The following LEMD3 variants were observed in gnomAD, a reference collection of about 807,000 sequenced individuals.
LEMD3 encodes inner nuclear membrane protein Man1.
A neutral mutation model predicts 95.2 loss-of-function variants in LEMD3; 33 were observed. The ratio of observed to expected loss-of-function variants is 0.35; its 90% confidence interval spans 0.26 to 0.46. The LOEUF is 0.46. LEMD3 is among the 20% of genes least tolerant of loss of function. The pLI is 1.00. For missense variants in LEMD3, 1,210 were observed against 1,192.8 expected, an observed-to-expected ratio of 1.01 and a Z score of -0.21; for synonymous variants, 525 against 474.6, an observed-to-expected ratio of 1.11 and a Z score of -1.38.
At position 65,169,681 on chromosome 12, in the gene LEMD3, G is replaced by C. The variant is rs1479217015; in HGVS notation, c.85G>C (p.Gly29Arg). 6.3e-7 allele frequency: 1 copy of C among 1,586,108 alleles called. No homozygotes were observed. Among genetic ancestry groups the C allele is most frequent in the African/African-American group, 1.3e-5 (1 of 74,486 alleles). ...SQLRRYGLSPGPVTESTRPVY... is the reference protein window; with the variant it reads ...SQLRRYGLSPRPVTESTRPVY... ...GCTCCGCCGTTACGGCCTGTCTCCC[G>C]GACCAGTGACGGAGAGCACCCGCCC... Residue 29 changes from glycine to arginine, a missense_variant, in exon 1 of 13, where the codon GGA becomes CGA. Physicochemically the swap from Gly to Arg is moderately radical, Grantham distance 125. Coordinates refer to ENST00000308330, the MANE Select transcript of LEMD3 (RefSeq NM_014319.5).
intron 9 of LEMD3, among the ~76,000 whole-genome samples, chr12:65,241,705 A>G (rs555652293): frequency 1.3e-5 from 2 of 152,338 alleles, no homozygotes; most frequent in African/African-American, 4.8e-5. Flanking sequence ...ACAATGCATC[A>G]GAAAATTATG....
At position 65,170,806 on chromosome 12, in the gene LEMD3, A is replaced by G. The variant is rs1565776447; in HGVS notation, c.1210A>G (p.Arg404Gly). 1 of 1,614,202 alleles carries G rather than the reference A, an allele frequency of 6.2e-7. No homozygotes were observed. Residue 404 changes from arginine to glycine, a missense_variant, in exon 1 of 13, where the codon AGG (arginine) becomes GGG (glycine). Physicochemically the swap from Arg to Gly is moderately radical, Grantham distance 125. Coordinates refer to ENST00000308330, the MANE Select transcript of LEMD3 (RefSeq NM_014319.5). Reference sequence around the variant, plus strand: ...TGGGGCCTTCAGTGTGGACTCCCCCAGGATTTATTCTAACAGTCTCCCTCC... The same window carrying G: ...TGGGGCCTTCAGTGTGGACTCCCCCGGGATTTATTCTAACAGTCTCCCTCC... ...GGGAFSVDSP[R>G]IYSNSLPPSA...
chr12:65,198,850 C>T (rs1014694711), intron 1 of LEMD3, among the ~76,000 whole-genome samples: 12 of 152,132 alleles, frequency 7.9e-5, no homozygotes, highest in Middle Eastern at 3.4e-3. Flanking sequence ...TTTCCTCCCA[C>T]GTATCTTTGA....
At chr12:65,188,825 G>T (rs1335999658) in intron 1 of LEMD3, among the ~76,000 whole-genome samples, 2 of 152,058 alleles carry the variant, frequency 1.3e-5, no homozygotes, top group African/African-American at 2.4e-5. Context: ...TGCTCTAATT[G>T]CAGTGAGACC....
intron 8 of LEMD3, 109 bp from the exon 9 acceptor site, chr12:65,240,800 A>G: frequency 4.2e-6 from 4 of 959,724 alleles, no homozygotes; most frequent in East Asian, 2.5e-5. Flanking sequence ...AACAAACTCC[A>G]TGAGTAGTGG....
chr12:65,215,910 A>C, intron 2 of LEMD3, 67 bp from the exon 3 acceptor site: 1 of 488,922 alleles, frequency 2.0e-6, no homozygotes, highest in Non-Finnish European at 3.5e-6. Flanking sequence ...TTTTTTTTTG[A>C]TTAAGAATTA....
chr12:65,206,911 T>A (rs530653290), intron 1 of LEMD3, among the ~76,000 whole-genome samples: 1 of 152,142 alleles, frequency 6.6e-6, no homozygotes, highest in Non-Finnish European at 1.5e-5. Flanking sequence ...CAATATTTTA[T>A]TTTCTGTAGT....
chr12:65,209,716 A>G (rs1869879982), intron 1 of LEMD3, among the ~76,000 whole-genome samples: 1 of 152,122 alleles, frequency 6.6e-6, no homozygotes, highest in South Asian at 2.1e-4. Flanking sequence ...TTAAAAATCC[A>G]TTAGCAAAAT....
chr12:65,238,951 T>C (rs1870853918), intron 6 of LEMD3, 137 bp downstream of exon 6: 1 of 765,658 alleles, frequency 1.3e-6, no homozygotes, highest in Admixed American at 2.3e-5. Flanking sequence ...CTAAATATAA[T>C]AAAAATAATG....
chr12:65,210,747 A>G (rs1056774575), intron 1 of LEMD3, among the ~76,000 whole-genome samples, 179 bp from the exon 2 acceptor site: 7 of 152,146 alleles, frequency 4.6e-5, no homozygotes, highest in Non-Finnish European at 8.8e-5. Flanking sequence ...AGTGAGAATG[A>G]TAAGTATAAG....
chr12:65,242,790 G>A (rs910156911), intron 9 of LEMD3, among the ~76,000 whole-genome samples: 2 of 152,064 alleles, frequency 1.3e-5, no homozygotes, highest in Admixed American at 1.3e-4. Context: ...ACATAACAAT[G>A]TATTTTTAAA....
intron 1 of LEMD3, among the ~76,000 whole-genome samples, chr12:65,210,373 CAGT>C (rs1421666082): frequency 1.3e-5 from 2 of 151,974 alleles, no homozygotes; most frequent in Non-Finnish European, 2.9e-5. Flanking sequence ...AGATTTCTTT[CAGT>C]AGTTAACTGC....
chr12:65,204,606 T>C (rs1869706893), intron 1 of LEMD3, among the ~76,000 whole-genome samples: 1 of 152,202 alleles, frequency 6.6e-6, no homozygotes, highest in Non-Finnish European at 1.5e-5. Flanking sequence ...TGATTCCATG[T>C]CTTTGCTATT....
chr12:65,195,255 T>C (rs922166297), intron 1 of LEMD3, among the ~76,000 whole-genome samples: 6 of 152,116 alleles, frequency 3.9e-5, no homozygotes, highest in Admixed American at 1.3e-4. Flanking sequence ...AAATTGTCTT[T>C]GGCAATACCA....
chr12:65,170,701 C>T lies in LEMD3; in HGVS notation c.1105C>T (p.Pro369Ser), dbSNP rs371098833. Residue 369 changes from proline to serine, a missense_variant, in exon 1 of 13, where the codon CCC (proline) becomes TCC (serine). Pro to Ser is a moderately conservative substitution (Grantham distance 74, BLOSUM62 -1). This residue lies in a region of LEMD3 where 749 missense variants were observed against 622.9 expected (regional missense o/e 1.20). Coordinates refer to ENST00000308330, the MANE Select transcript of LEMD3 (RefSeq NM_014319.5). Reference protein sequence around the residue: ...VNAKKLTPLLPPPLTDMDSTL... With the variant: ...VNAKKLTPLLSPPLTDMDSTL... The stretch of plus-strand genomic sequence containing the variant: ...CGCTAAGAAACTGACCCCTCTCCTG[C>T]CCCCGCCACTTACTGACATGGACTC... 9 of 1,614,106 alleles carry T rather than the reference C, an allele frequency of 5.6e-6. No individual in the cohort carries two copies. The African/African-American group carries it at 1.1e-4, about 19-fold the overall frequency.
chr12:65,210,469 G>A (rs1869902833), intron 1 of LEMD3, among the ~76,000 whole-genome samples: 2 of 152,114 alleles, frequency 1.3e-5, no homozygotes, highest in Admixed American at 1.3e-4. Flanking sequence ...AATGGATAGT[G>A]TGTATTGAGT....
In LEMD3 at chr12:65,245,869, A is replaced by G; in HGVS notation, c.2502A>G (p.Val834=). 6.2e-7 allele frequency: 1 copy of G among 1,611,770 alleles called. No homozygotes were observed. Among genetic ancestry groups the G allele is most frequent in the Non-Finnish European group, 8.5e-7 (1 of 1,178,142 alleles). The change falls in exon 12 of 13, where the codon GTA becomes GTG. Residue 834 remains valine, a synonymous_variant. Transcript: ENST00000308330. ...CTTTTTTAATATCACAGGGTTGTGT[A>G]TATGTTAAATGTCTGTCTCCAGAAT... ...AVDKNSREGC[V]YVKCLSPEYA...
At position 65,170,292 on chromosome 12, in the gene LEMD3, G is replaced by A. The variant is rs766047049; in HGVS notation, c.696G>A (p.Pro232=). The change falls in exon 1 of 13, where the codon CCG becomes CCA. Residue 232 remains proline (P), a synonymous_variant. Transcript: ENST00000308330. ...GEGEDGEERD[P]ETEEPLWASR... ...GAGAGGACGGTGAGGAGAGGGACCC[G>A]GAGACCGAGGAGCCGCTCTGGGCGA... 1 of 1,577,194 alleles carries A rather than the reference G, an allele frequency of 6.3e-7. No individual in the cohort carries two copies. The highest frequency in any genetic ancestry group is 8.6e-7 in the Non-Finnish European group (1 of 1,161,676).
At chr12:65,212,658 C>T (rs1869978296) in intron 2 of LEMD3, among the ~76,000 whole-genome samples, 1 of 151,968 alleles carries the variant, frequency 6.6e-6, no homozygotes, top group African/African-American at 2.4e-5. Context: ...TTTTCTCCCT[C>T]CAAAATGAAA....
Sources: allele counts gnomAD v4.1 joint callset (sites outside exome capture counted in the v4.1 genomes callset), GRCh38; gene constraint gnomAD v4.1.1; regional missense constraint gnomAD v4.1.1; transcripts MANE v1.5; gene names NCBI Gene and HGNC (gene_info 2026-07-23, HGNC 2026-07-21).